TNNI3K: variants seen among roughly 807,000 people sequenced by gnomAD.
TNNI3K encodes the protein serine/threonine-protein kinase TNNI3K.
TNNI3K carries 140 observed loss-of-function variants against 114.5 expected under a neutral mutation model. The observed-to-expected ratio is 1.22, with a 90% CI of 1.07 to 1.41. The LOEUF (loss-of-function observed/expected upper bound fraction) is 1.41. TNNI3K is among the 40% of genes most tolerant of loss of function. The pLI is 0.00. For synonymous variants in TNNI3K, 347 were observed against 347.5 expected (o/e 1.00, Z 0.02); for missense variants, 1,125 against 1,007.6 (o/e 1.12, Z -1.58).
chr1:74,449,613 C>T (rs576102612), intron 20 of TNNI3K, among the ~76,000 whole-genome samples: 2,552 of 150,592 alleles, frequency 0.017, 34 homozygotes, highest in Non-Finnish European at 0.028. Flanking sequence ...TCCTAGTCTT[C>T]GATAAAACAG....
rs1470006782 is a variant in TNNI3K, at chr1:74,450,095, A to G, written c.2011+10473A>G. On this transcript the variant is annotated intron_variant, in intron 20 of 24. Coordinates refer to ENST00000326637, the MANE Select transcript of TNNI3K (RefSeq NM_015978.3). ...GCAATCAAACTAGAACTCAGGATTA[A>G]GAATCTCACTCAAAGCCGCTCAACT... Among the ~76,000 whole-genome samples, 7 of 141,248 alleles carry G rather than the reference A, an allele frequency of 5.0e-5. No homozygotes were observed. In the East Asian group the frequency reaches 1.2e-3, roughly 25 times the overall value. 92.7% of individuals were successfully genotyped at this position (141,248 alleles called of 152,430 possible).
In TNNI3K at chr1:74,474,956, C is replaced by T. The variant is rs973832924; in HGVS notation, c.2121+11406C>T. ...AAGGATGTTGGAATAAAAGCTGATA[C>T]TAGCTATCCCATAGATCTTAACAGC... On this transcript the variant is annotated intron_variant, in intron 21 of 24. Coordinates refer to ENST00000326637, the MANE Select transcript of TNNI3K (RefSeq NM_015978.3). 6.6e-5 allele frequency among the ~76,000 whole-genome samples: 10 copies of T among 152,142 alleles called. 1 individual carries two copies. In the East Asian group the frequency reaches 1.6e-3, roughly 24 times the overall value.
intron 5 of TNNI3K, among the ~76,000 whole-genome samples, chr1:74,291,279 G>C (rs1450043338): frequency 6.6e-6 from 1 of 151,278 alleles, no homozygotes; most frequent in Non-Finnish European, 1.5e-5. Context: ...AATTTTTTCT[G>C]TTCTTGAACT....
chr1:74,308,042 T>C (rs995377006), intron 5 of TNNI3K, among the ~76,000 whole-genome samples: 1 of 151,570 alleles, frequency 6.6e-6, no homozygotes, highest in Non-Finnish European at 1.5e-5. Flanking sequence ...TCTAAAAATA[T>C]ATATATATAA....
chr1:74,365,968 G>A (rs555787561), intron 11 of TNNI3K, among the ~76,000 whole-genome samples: 1 of 148,592 alleles, frequency 6.7e-6, no homozygotes, highest in Non-Finnish European at 1.5e-5. Flanking sequence ...TTTTTTCCTC[G>A]AAGAATCTTA....
chr1:74,396,747 A>C (rs1226000231), intron 17 of TNNI3K, among the ~76,000 whole-genome samples: 2 of 152,200 alleles, frequency 1.3e-5, no homozygotes, highest in African/African-American at 4.8e-5. Flanking sequence ...CTCCTAGGGC[A>C]CAGAATGTCC....
rs112314185 is a variant in TNNI3K, at chr1:74,352,909, C to T, written c.933-357C>T. ...GGAAAGGGAATTCCCTGACCCTTTG[C>T]GCTTCCCAGGTGAGGCAATGCCTCG... is the stretch of plus-strand genomic sequence containing the variant. On this transcript the variant is annotated intron_variant, in intron 9 of 24. Transcript: ENST00000326637. Among the ~76,000 whole-genome samples the T allele has an allele frequency of 4.6e-3, 697 of 152,246 alleles. 4 individuals are homozygous for T. The highest frequency in any genetic ancestry group is 0.016 in the African/African-American group (650 of 41,542).
At chr1:74,477,196 C>T (rs965529993) in intron 21 of TNNI3K, among the ~76,000 whole-genome samples, 11 of 152,078 alleles carry the variant, frequency 7.2e-5, no homozygotes, top group African/African-American at 1.2e-4. Context: ...ATTAGAACCA[C>T]TCTTTAACTC....
At chr1:74,437,642 G>A (rs1666196591) in intron 19 of TNNI3K, among the ~76,000 whole-genome samples, 1 of 151,918 alleles carries the variant, frequency 6.6e-6, no homozygotes, top group Non-Finnish European at 1.5e-5. Flanking sequence ...CTGGAGTGAG[G>A]TGAGCAAGGA....
chr1:74,276,413 C>T (rs1656690148), intron 5 of TNNI3K, among the ~76,000 whole-genome samples: 2 of 151,988 alleles, frequency 1.3e-5, no homozygotes. Flanking sequence ...AAGAATTGCT[C>T]AGTGATATGG....
intron 17 of TNNI3K, chr1:74,372,928 C>T (rs1662690740): frequency 6.6e-6 from 1 of 151,842 alleles, no homozygotes; most frequent in African/African-American, 2.4e-5. Flanking sequence ...TGCTTAATTG[C>T]ATCAAAAAGT....
At chr1:74,476,333 C>A (rs1440521766) in intron 21 of TNNI3K, among the ~76,000 whole-genome samples, 3 of 152,140 alleles carry the variant, frequency 2.0e-5, no homozygotes, top group Non-Finnish European at 2.9e-5. Context: ...TCCTCAACCA[C>A]CTAAATGTTC....
At chr1:74,248,377 G>C (rs1335688163) in intron 2 of TNNI3K, among the ~76,000 whole-genome samples, 1 of 152,160 alleles carries the variant, frequency 6.6e-6, no homozygotes, top group Non-Finnish European at 1.5e-5. Context: ...TCAGGCTGAA[G>C]GGCTCCTCAA....
intron 21 of TNNI3K, among the ~76,000 whole-genome samples, chr1:74,473,961 G>A (rs775075935): frequency 1.3e-5 from 2 of 152,034 alleles, no homozygotes; most frequent in Non-Finnish European, 2.9e-5. Flanking sequence ...TTTCTTTACC[G>A]ATTTCTGTTC....
At chr1:74,300,583 A>C (rs1457980989) in intron 5 of TNNI3K, among the ~76,000 whole-genome samples, 1 of 152,220 alleles carries the variant, frequency 6.6e-6, no homozygotes, top group Non-Finnish European at 1.5e-5. Flanking sequence ...CTTAAGCCTA[A>C]AGCTTTGGAG....
At chr1:74,383,059 CT>C (rs757570166) in intron 17 of TNNI3K, among the ~76,000 whole-genome samples, 2 of 151,126 alleles carry the variant, frequency 1.3e-5, no homozygotes, top group Non-Finnish European at 2.9e-5. Context: ...CGAATTCTTT[CT>C]CTTTCTTTAA....
At chr1:74,270,301 A>G (rs1363595134) in intron 4 of TNNI3K, among the ~76,000 whole-genome samples, 1 of 151,812 alleles carries the variant, frequency 6.6e-6, no homozygotes, top group Non-Finnish European at 1.5e-5. Context: ...AACAGATTCA[A>G]TATCTTTTTT....
At position 74,473,913 on chromosome 1, in the gene TNNI3K, C is replaced by A. The variant is rs192595591; in HGVS notation, c.2121+10363C>A. ...TCTCTACACTGGAAAGTCTATAATT[C>A]TTTTTCCAAGTCAGAAGGCATAATC... On this transcript the variant is annotated intron_variant, in intron 21 of 24. Transcript: ENST00000326637. 1.1e-4 allele frequency among the ~76,000 whole-genome samples: 16 copies of A among 152,150 alleles called. No homozygotes were observed. In the East Asian group the frequency reaches 2.9e-3, roughly 28 times the overall value.
intron 17 of TNNI3K, among the ~76,000 whole-genome samples, chr1:74,379,523 A>T (rs770045293): frequency 6.6e-6 from 1 of 152,018 alleles, no homozygotes; most frequent in Non-Finnish European, 1.5e-5. Flanking sequence ...CATAATTTCT[A>T]TCCCCATTTC....
Sources: gnomAD v4.1 joint callset for allele counts (sites outside exome capture counted in the v4.1 genomes callset) on GRCh38, gnomAD v4.1.1 for gene constraint, MANE v1.5 for transcripts, NCBI Gene and HGNC (gene_info 2026-07-23, HGNC 2026-07-21) for gene names.